The following DMXL1 variants were observed in gnomAD, a reference collection of about 807,000 sequenced individuals.
DMXL1 encodes Dmx like 1.
DMXL1 carries 99 observed loss-of-function variants against 319.2 expected under a neutral mutation model. The observed-to-expected ratio is 0.31, with a 90% confidence interval of 0.26 to 0.37. The LOEUF is 0.37. Among genes scored for constraint, DMXL1 ranks in the 10% least tolerant of loss-of-function variants. DMXL1 has a pLI of 1.00. For synonymous variants in DMXL1, 1,385 were observed against 1,235.2 expected (o/e 1.12, Z -2.54); for missense variants, 3,745 against 3,595.6 (o/e 1.04, Z -1.06).
At position 119,134,196 on chromosome 5, in the gene DMXL1, T is replaced by G; in HGVS notation, c.2254+18T>G. On this transcript the variant is annotated intron_variant, in intron 12 of 43. Coordinates refer to ENST00000539542, the MANE Select transcript of DMXL1 (RefSeq NM_001290321.3). Reference sequence around the variant, plus strand: ...TTGTCTGGGTAAGTATTCTGGTTTTTATTACAGTAATTTAGATTTGCTGAC... The same window carrying G: ...TTGTCTGGGTAAGTATTCTGGTTTTGATTACAGTAATTTAGATTTGCTGAC... 2 of 1,607,656 alleles carry G rather than the reference T, an allele frequency of 1.2e-6. No individual in the cohort carries two copies. The highest frequency in any genetic ancestry group is 1.7e-6 in the Non-Finnish European group (2 of 1,177,524).
intron 28 of DMXL1, among the ~76,000 whole-genome samples, chr5:119,181,970 T>C (rs1776860569): frequency 6.6e-6 from 1 of 152,212 alleles, no homozygotes; most frequent in Non-Finnish European, 1.5e-5. Context: ...ACTAGCAGCA[T>C]TGGCTTTCAA....
At chr5:119,187,624 T>G (rs1561829380) in intron 28 of DMXL1, among the ~76,000 whole-genome samples, 1 of 151,702 alleles carries the variant, frequency 6.6e-6, no homozygotes, top group South Asian at 2.1e-4. Context: ...AAACTGCCGA[T>G]TTTTTTTCCT....
intron 2 of DMXL1, among the ~76,000 whole-genome samples, chr5:119,101,190 C>T (rs968359054): frequency 1.3e-5 from 2 of 152,176 alleles, no homozygotes; most frequent in African/African-American, 4.8e-5. Flanking sequence ...CAGATCAATG[C>T]AGCACAAGTG....
chr5:119,220,823 T>G lies in DMXL1; in HGVS notation c.8136-117T>G. Reference sequence around the variant, plus strand: ...GAGGTCATTGTGTGTGAGTTACAAATAAGAGCTGAAGAAAATTAATTTTAA... The same window carrying G: ...GAGGTCATTGTGTGTGAGTTACAAAGAAGAGCTGAAGAAAATTAATTTTAA... On this transcript the variant is annotated intron_variant, in intron 36 of 43. Transcript: ENST00000539542. 4 of 1,296,012 alleles carry G rather than the reference T, an allele frequency of 3.1e-6. No individual in the cohort carries two copies. In the South Asian group the frequency reaches 6.0e-5, roughly 20 times the overall value. The allele number at this position is 1,296,012 out of a possible 1,614,324, so 80.3% of individuals were successfully genotyped here. A position where few individuals can be genotyped will look rare whatever the true frequency, so the allele number is the denominator to read the frequency against.
At chr5:119,185,764 A>G (rs536682936) in intron 28 of DMXL1, among the ~76,000 whole-genome samples, 1 of 151,326 alleles carries the variant, frequency 6.6e-6, no homozygotes, top group Admixed American at 6.6e-5. Context: ...CAGCCTCCCA[A>G]AGTGCTGGGA....
intron 19 of DMXL1, among the ~76,000 whole-genome samples, chr5:119,152,953 A>G (rs1044563749): frequency 6.6e-6 from 1 of 151,302 alleles, no homozygotes; most frequent in Non-Finnish European, 1.5e-5. Context: ...AAAGTTGAAA[A>G]TTCTAAATCA....
At chr5:119,077,663 T>C (rs1751231459) in intron 1 of DMXL1, among the ~76,000 whole-genome samples, 2 of 136,308 alleles carry the variant, frequency 1.5e-5, no homozygotes, top group African/African-American at 6.2e-5. Flanking sequence ...TATATGTGTG[T>C]GTGTATATAT....
At chr5:119,137,004 C>T (rs1428201150) in intron 13 of DMXL1, among the ~76,000 whole-genome samples, 1 of 152,236 alleles carries the variant, frequency 6.6e-6, no homozygotes, top group Non-Finnish European at 1.5e-5. Flanking sequence ...AAAGGTAGAT[C>T]CACTGACAGT....
At position 119,210,598 on chromosome 5, in the gene DMXL1, A is replaced by T. The variant is rs184626252; in HGVS notation, c.7926+3702A>T. Among the ~76,000 whole-genome samples, 415 of 152,216 alleles carry T rather than the reference A, an allele frequency of 2.7e-3. 1 individual carries two copies. Among genetic ancestry groups the T allele is most frequent in the Middle Eastern group, 0.017 (5 of 294 alleles). ...TTTCAAAAATCAGTTGACACAGATG[A>T]GTAGGTCTAATTCTGGAGTCTGTTT... On this transcript the variant is annotated intron_variant, in intron 34 of 43. Transcript: ENST00000539542.
chr5:119,197,903 T>G lies in DMXL1; in HGVS notation c.7692T>G (p.Gly2564=). 6.2e-7 allele frequency: 1 copy of G among 1,614,210 alleles called. No homozygotes were observed. Residue 2564 remains glycine, a synonymous_variant, in exon 32 of 44, where the codon GGT becomes GGG. Coordinates refer to ENST00000539542, the MANE Select transcript of DMXL1 (RefSeq NM_001290321.3). Reference sequence around the variant, plus strand: ...CCGCCGAAGAGAGTTTGTCTGCAGGTCCTGCAATTCTTCGCCACAAAGCTT... The same window carrying G: ...CCGCCGAAGAGAGTTTGTCTGCAGGGCCTGCAATTCTTCGCCACAAAGCTT... The part of the protein sequence containing the change: ...SHTAEESLSA[G]PAILRHKALL...
chr5:119,116,600 T>C (rs1760897891), intron 7 of DMXL1, among the ~76,000 whole-genome samples: 1 of 152,234 alleles, frequency 6.6e-6, no homozygotes, highest in Non-Finnish European at 1.5e-5. Flanking sequence ...GTTGTACATA[T>C]TTTCTTTTTC....
chr5:119,081,969 C>T (rs1488846381), intron 1 of DMXL1, among the ~76,000 whole-genome samples: 1 of 139,840 alleles, frequency 7.2e-6, no homozygotes, highest in Non-Finnish European at 1.5e-5. Flanking sequence ...ACTGTCATAA[C>T]TATTTCCCAG....
At chr5:119,095,091 G>A (rs1007968971) in intron 1 of DMXL1, among the ~76,000 whole-genome samples, 4 of 152,150 alleles carry the variant, frequency 2.6e-5, no homozygotes, top group Admixed American at 2.6e-4. Flanking sequence ...CTGGACCCAA[G>A]CGACTCACCT....
chr5:119,216,120 AAAGC>A (rs1783649971), intron 34 of DMXL1, among the ~76,000 whole-genome samples: 1 of 151,140 alleles, frequency 6.6e-6, no homozygotes, highest in African/African-American at 2.4e-5. Flanking sequence ...AAAAAAAAAA[AAAGC>A]AGGATAATAT....
At chr5:119,235,854 A>G (rs975167084) in intron 39 of DMXL1, among the ~76,000 whole-genome samples, 1 of 152,116 alleles carries the variant, frequency 6.6e-6, no homozygotes, top group Non-Finnish European at 1.5e-5. Context: ...CCAAACTATC[A>G]TTCAAATTTG....
intron 19 of DMXL1, among the ~76,000 whole-genome samples, chr5:119,155,826 C>CAAAAAA (rs35851317): frequency 2.4e-5 from 2 of 84,838 alleles, no homozygotes; most frequent in Non-Finnish European, 2.5e-5. Flanking sequence ...GACCCTGTCT[C>CAAAAAA]AAAAAAAAAA....
intron 1 of DMXL1, among the ~76,000 whole-genome samples, chr5:119,072,198 C>T (rs891144135): frequency 1.3e-5 from 2 of 152,014 alleles, no homozygotes; most frequent in African/African-American, 4.8e-5. Context: ...AAAAAAAAGC[C>T]TTTTCATTTT....
chr5:119,175,291 C>G lies in DMXL1; in HGVS notation c.6712C>G (p.Leu2238Val), dbSNP rs369598959. Residue 2238 changes from leucine to valine, a missense_variant, in exon 26 of 44, where the codon CTT becomes GTT. By Grantham distance (32) the Leu-to-Val change is conservative (BLOSUM62 1). Coordinates refer to ENST00000539542, the MANE Select transcript of DMXL1 (RefSeq NM_001290321.3). ...VYVMHTLAAS[L>V]SACIYQCLCG... ...TGTAATGCATACTTTAGCAGCTTCACTTTCTGCTTGTATTTATCAGTGCCT... is the reference window on the plus strand; with the variant it reads ...TGTAATGCATACTTTAGCAGCTTCAGTTTCTGCTTGTATTTATCAGTGCCT... 18 of 1,611,512 alleles carry G rather than the reference C, an allele frequency of 1.1e-5. No homozygotes were observed. Among genetic ancestry groups the G allele is most frequent in the Non-Finnish European group, 1.5e-5 (18 of 1,178,898 alleles).
At chr5:119,120,234 T>C (rs772741529) in intron 8 of DMXL1, among the ~76,000 whole-genome samples, 5 of 152,224 alleles carry the variant, frequency 3.3e-5, no homozygotes, top group Non-Finnish European at 7.3e-5. Context: ...AATTTATCTT[T>C]GAATGCTTTG....
Sources: gnomAD v4.1 joint callset for allele counts (sites outside exome capture counted in the v4.1 genomes callset) on GRCh38, gnomAD v4.1.1 for gene constraint, MANE v1.5 for transcripts, NCBI Gene and HGNC (gene_info 2026-07-23, HGNC 2026-07-21) for gene names.